The following DYNC2H1 variants were observed in gnomAD, a reference collection of about 807,000 sequenced individuals.
DYNC2H1 encodes the protein dynein cytoplasmic 2 heavy chain 1.
A neutral mutation model predicts 570.0 loss-of-function variants in DYNC2H1; 410 were observed. The observed-to-expected ratio is 0.72, with a 90% CI of 0.66 to 0.78. The LOEUF (loss-of-function observed/expected upper bound fraction) is 0.78. DYNC2H1 is among the 30% of genes least tolerant of loss of function. The pLI is 0.00. For synonymous variants in DYNC2H1, 1,688 were observed against 1,677.6 expected (o/e 1.01, Z -0.15); for missense variants, 4,865 against 5,046.4 (o/e 0.96, Z 1.09).
At chr11:103,338,693 T>C (rs1380657981) in intron 82 of DYNC2H1, among the ~76,000 whole-genome samples, 1 of 152,232 alleles carries the variant, frequency 6.6e-6, no homozygotes, top group African/African-American at 2.4e-5. Context: ...TGAATCTCTT[T>C]CTTAAAGTTG....
intron 83 of DYNC2H1, among the ~76,000 whole-genome samples, chr11:103,381,171 A>C (rs1460867958): frequency 6.6e-6 from 1 of 152,200 alleles, no homozygotes; most frequent in Non-Finnish European, 1.5e-5. Flanking sequence ...TCTAAGAGCA[A>C]GGTGGGTGGG....
intron 87 of DYNC2H1, 41 bp from the exon 88 acceptor site, chr11:103,468,548 C>T (rs1945270172): frequency 2.7e-6 from 4 of 1,472,052 alleles, no homozygotes; most frequent in South Asian, 1.2e-5. Flanking sequence ...ACATTTGCGA[C>T]TTTAATGCAT....
rs1233715795 is a variant in DYNC2H1 at position 103,319,991 on chromosome 11, A to G, written c.11726-1038A>G. 6.6e-6 allele frequency among the ~76,000 whole-genome samples: 1 copy of G among 152,196 alleles called. No homozygotes were observed. The highest frequency in any genetic ancestry group is 1.5e-5 in the Non-Finnish European group (1 of 68,020). On this transcript the variant is annotated intron_variant, in intron 80 of 88. Coordinates refer to ENST00000375735, the MANE Select transcript of DYNC2H1 (RefSeq NM_001377.3). The surrounding 1 kb of genome is among the most constrained non-coding windows in gnomAD (Gnocchi z 4.3). Reference sequence around the variant, plus strand: ...AAATCCCTTATGTTCCAAGGCATGTAGATAATCAATTTTTGTCATATCTCT... The same window carrying G: ...AAATCCCTTATGTTCCAAGGCATGTGGATAATCAATTTTTGTCATATCTCT...
Position 103,468,878 on chromosome 11 carries a change from A to G in DYNC2H1, c.12765+173A>G, listed in dbSNP as rs77310304. Among the ~76,000 whole-genome samples the G allele has an allele frequency of 0.023, 3,494 of 152,332 alleles. 82 individuals are homozygous for G. The highest frequency in any genetic ancestry group is 0.055 in the African/African-American group (2,270 of 41,566). On this transcript the variant is annotated intron_variant, in intron 88 of 88. Transcript: ENST00000375735. ...ATCCTTTATCATGTTTAAGATGCAC[A>G]AGACATTTGAAAACCTTGATTTTGT... is the stretch of plus-strand genomic sequence containing the variant.
chr11:103,275,649 C>A lies in DYNC2H1; in HGVS notation c.10696-4699C>A, dbSNP rs541394960. ...TTTGTAGATTGTCTTCTTTCACTTA[C>A]TATTGTACGTTTAAGGTTCTTTCAT... On this transcript the variant is annotated intron_variant, in intron 70 of 88. Transcript: ENST00000375735. The surrounding 1 kb of genome is among the most constrained non-coding windows in gnomAD (Gnocchi z 4.8). 7.9e-5 allele frequency among the ~76,000 whole-genome samples: 12 copies of A among 152,178 alleles called. No homozygotes were observed. The highest frequency in any genetic ancestry group is 3.4e-3 in the Middle Eastern group (1 of 294).
chr11:103,173,162 T>C lies in DYNC2H1; in HGVS notation c.5415T>C (p.Pro1805=), dbSNP rs780085080. The change falls in exon 35 of 89, where the codon CCT becomes CCC. Residue 1805 remains proline, a synonymous_variant. Coordinates refer to ENST00000375735, the MANE Select transcript of DYNC2H1 (RefSeq NM_001377.3). The stretch of plus-strand genomic sequence containing the variant: ...GTTATGGAGGAAGACAAAAACTGCC[T>C]GATAATCTTAAACAGCTTTTCAGGC... ...GKGYGGRQKL[P]DNLKQLFRPV... The C allele has an allele frequency of 1.0e-5, 16 of 1,578,128 alleles. No homozygotes were observed. Among genetic ancestry groups the C allele is most frequent in the Non-Finnish European group, 1.4e-5 (16 of 1,162,232 alleles).
In DYNC2H1 at chr11:103,170,367, C is replaced by A; in HGVS notation, c.5151+77C>A. 7.6e-7 allele frequency: 1 copy of A among 1,310,554 alleles called. No homozygotes were observed. Among genetic ancestry groups the A allele is most frequent in the South Asian group, 1.7e-5 (1 of 58,560 alleles). The allele number at this position is 1,310,554 out of a possible 1,614,324, so 81.2% of individuals were successfully genotyped here. On this transcript the variant is annotated intron_variant, in intron 33 of 88. Transcript: ENST00000375735. The surrounding 1 kb of genome is among the most constrained non-coding windows in gnomAD (Gnocchi z 4.8). Reference sequence around the variant, plus strand: ...TTAGTTTCTATTAGTATATGAAATACTCTACTTAAAAATCACTACATTTAA... The same window carrying A: ...TTAGTTTCTATTAGTATATGAAATAATCTACTTAAAAATCACTACATTTAA...
At chr11:103,232,283 A>T (rs1373016647) in intron 60 of DYNC2H1, among the ~76,000 whole-genome samples, 6 of 151,944 alleles carry the variant, frequency 3.9e-5, no homozygotes, top group Non-Finnish European at 7.4e-5. Flanking sequence ...TGAGAAGTAA[A>T]TCTATTTCTA....
At chr11:103,164,272 G>C (rs1861210719) in intron 30 of DYNC2H1, among the ~76,000 whole-genome samples, 1 of 152,170 alleles carries the variant, frequency 6.6e-6, no homozygotes, top group African/African-American at 2.4e-5. Context: ...ATAGGCTAGA[G>C]AAAGTTGTTG....
At chr11:103,225,816 C>T (rs113035979) in intron 59 of DYNC2H1, among the ~76,000 whole-genome samples, 4 of 152,224 alleles carry the variant, frequency 2.6e-5, no homozygotes, top group African/African-American at 9.6e-5. Context: ...ATGGGAATCA[C>T]ATTGAGTTTG....
At chr11:103,237,514 T>C (rs1185116936) in intron 63 of DYNC2H1, among the ~76,000 whole-genome samples, 2 of 152,008 alleles carry the variant, frequency 1.3e-5, no homozygotes, top group Non-Finnish European at 2.9e-5. Flanking sequence ...TAGTTTTGCT[T>C]TCTATTAATT....
chr11:103,221,167 A>G (rs1165002120), intron 57 of DYNC2H1, among the ~76,000 whole-genome samples: 1 of 152,138 alleles, frequency 6.6e-6, no homozygotes, highest in Non-Finnish European at 1.5e-5. Context: ...AAAGACAGAG[A>G]CAGAAACAGA....
At chr11:103,455,536 G>C (rs1158678602) in intron 86 of DYNC2H1, among the ~76,000 whole-genome samples, 1 of 152,018 alleles carries the variant, frequency 6.6e-6, no homozygotes, top group Non-Finnish European at 1.5e-5. Flanking sequence ...TTATAATTTT[G>C]ATCATTTATC....
At position 103,173,266 on chromosome 11, in the gene DYNC2H1, T is replaced by A. The variant is rs749675358; in HGVS notation, c.5519T>A (p.Val1840Glu). ...LYSEGFKDAK[V>E]LSRKLVAIFN... ...TCGGAAGGCTTTAAAGACGCTAAAG[T>A]ATTGAGCAGAAAATTGGTAGCTATT... is the stretch of plus-strand genomic sequence containing the variant. Residue 1840 changes from valine (V) to glutamate (E), a missense_variant, in exon 35 of 89, where the codon GTA becomes GAA. Physicochemically the swap from Val to Glu is moderately radical, Grantham distance 121. Coordinates refer to ENST00000375735, the MANE Select transcript of DYNC2H1 (RefSeq NM_001377.3). 4.4e-6 allele frequency: 7 copies of A among 1,588,446 alleles called. No individual in the cohort carries two copies. The Admixed American group carries it at 5.3e-5, about 12-fold the overall frequency.
At chr11:103,443,413 GTATAT>G (rs950986222) in intron 85 of DYNC2H1, among the ~76,000 whole-genome samples, 125 of 151,702 alleles carry the variant, frequency 8.2e-4, no homozygotes, top group Middle Eastern at 3.4e-3. Context: ...ACTTTGGGCT[GTATAT>G]TATATTATTT....
At chr11:103,448,341 A>G (rs1389792368) in intron 85 of DYNC2H1, among the ~76,000 whole-genome samples, 1 of 152,106 alleles carries the variant, frequency 6.6e-6, no homozygotes, top group African/African-American at 2.4e-5. Flanking sequence ...GAGATTTCCT[A>G]TTTAACTTAA....
chr11:103,425,183 C>A (rs1943623917), intron 84 of DYNC2H1, among the ~76,000 whole-genome samples: 1 of 151,184 alleles, frequency 6.6e-6, no homozygotes, highest in African/African-American at 2.4e-5. Context: ...AAGCGATCCT[C>A]TTGCCTCAGC....
chr11:103,413,010 A>G (rs1439289995), intron 84 of DYNC2H1, among the ~76,000 whole-genome samples: 1 of 151,470 alleles, frequency 6.6e-6, no homozygotes, highest in African/African-American at 2.4e-5. Context: ...ACCACCCCCC[A>G]CCTACCCTCC....
intron 3 of DYNC2H1, among the ~76,000 whole-genome samples, chr11:103,114,856 A>AT (rs1565309338): frequency 6.6e-6 from 1 of 151,992 alleles, no homozygotes; most frequent in African/African-American, 2.4e-5. Context: ...TAGTATATGT[A>AT]TTTTTTCGGT....
Sources: gnomAD v4.1 joint callset for allele counts (sites outside exome capture counted in the v4.1 genomes callset) on GRCh38, gnomAD v4.1.1 for gene constraint, Gnocchi (gnomAD v3.1) non-coding constraint, MANE v1.5 for transcripts, NCBI Gene and HGNC (gene_info 2026-07-23, HGNC 2026-07-21) for gene names.